The following WWOX variants were observed in gnomAD, a reference collection of about 807,000 sequenced individuals.
WWOX encodes WW domain-containing oxidoreductase.
WWOX carries 69 observed loss-of-function variants against 46.2 expected under a neutral mutation model. The observed-to-expected ratio is 1.49, with a 90% CI of 1.23 to 1.82. WWOX has a LOEUF of 1.82. WWOX is among the 40% of genes most tolerant of loss of function. WWOX has a pLI of 0.00. For synonymous variants in WWOX, 359 were observed against 202.6 expected (o/e 1.77, Z -6.56); for missense variants, 919 against 542.6 (o/e 1.69, Z -6.89).
intron 8 of WWOX, among the ~76,000 whole-genome samples, chr16:79,124,337 C>T (rs1043464415): frequency 5.2e-5 from 7 of 135,064 alleles, no homozygotes; most frequent in African/African-American, 1.7e-4. Flanking sequence ...TTGTTTTATT[C>T]ATGGACTTTT....
At chr16:78,899,233 T>G (rs774681152) in intron 8 of WWOX, 7 of 152,184 alleles carry the variant, frequency 4.6e-5, no homozygotes, top group Non-Finnish European at 7.4e-5. Context: ...ATTAAGGAGT[T>G]TGAATTTATT....
chr16:78,875,054 G>T (rs935800301), intron 8 of WWOX, among the ~76,000 whole-genome samples: 27 of 152,108 alleles, frequency 1.8e-4, no homozygotes, highest in African/African-American at 6.5e-4. Context: ...TATTTCATTT[G>T]CAGCAGGACA....
intron 8 of WWOX, among the ~76,000 whole-genome samples, chr16:78,602,105 T>C (rs2045635797): frequency 6.6e-6 from 1 of 152,234 alleles, no homozygotes; most frequent in Non-Finnish European, 1.5e-5. Flanking sequence ...GTTGGGCTTA[T>C]TACACGCTTT....
intron 8 of WWOX, among the ~76,000 whole-genome samples, chr16:78,916,511 C>G (rs2045255339): frequency 6.6e-6 from 1 of 152,096 alleles, no homozygotes; most frequent in Non-Finnish European, 1.5e-5. Context: ...AGGAGAATTA[C>G]CAGTAGAGTG....
At chr16:78,385,823 G>T (rs142695846) in intron 5 of WWOX, among the ~76,000 whole-genome samples, 1,551 of 152,294 alleles carry the variant, frequency 0.01, 34 homozygotes, top group Non-Finnish European at 9.6e-3. Flanking sequence ...GAATAGGCAG[G>T]TGGCCCTGTG....
At chr16:78,762,146 T>G (rs765126057) in intron 8 of WWOX, among the ~76,000 whole-genome samples, 2 of 152,164 alleles carry the variant, frequency 1.3e-5, no homozygotes, top group Non-Finnish European at 2.9e-5. Flanking sequence ...TTTTATAGAT[T>G]AGGAAACCAA....
chr16:78,191,777 G>T (rs191882347), intron 5 of WWOX, among the ~76,000 whole-genome samples: 1 of 152,310 alleles, frequency 6.6e-6, no homozygotes, highest in African/African-American at 2.4e-5. Flanking sequence ...AGGCGCTGCT[G>T]TGTGGAAAAA....
intron 8 of WWOX, among the ~76,000 whole-genome samples, chr16:79,039,508 A>G (rs558055583): frequency 3.9e-5 from 6 of 152,240 alleles, no homozygotes; most frequent in African/African-American, 1.4e-4. Context: ...CTGATTAGAA[A>G]CAGTTGGGTC....
chr16:79,054,090 A>G (rs373408538), intron 8 of WWOX, among the ~76,000 whole-genome samples: 1 of 152,146 alleles, frequency 6.6e-6, no homozygotes, highest in East Asian at 1.9e-4. Context: ...AAGAAGCTAT[A>G]TTCAGCACTG....
Position 78,841,983 on chromosome 16 carries a change from G to T in WWOX, c.1057-369625G>T, listed in dbSNP as rs192452085. ...GTGTGGGACACCCAGCTATTCTCTG[G>T]AAGGGAAGGGGGATATAAGAGACAC... On this transcript the variant is annotated intron_variant, in intron 8 of 8. Transcript: ENST00000566780. 1.1e-4 allele frequency among the ~76,000 whole-genome samples: 17 copies of T among 152,280 alleles called. No homozygotes were observed. The East Asian group carries it at 3.3e-3, about 29-fold the overall frequency.
intron 8 of WWOX, among the ~76,000 whole-genome samples, chr16:78,991,909 C>A (rs1477122564): frequency 1.3e-5 from 2 of 152,122 alleles, no homozygotes; most frequent in African/African-American, 4.8e-5. Flanking sequence ...TCCTTTGTTC[C>A]CGCCTAACAC....
rs948925715 is a variant in WWOX, at chr16:79,212,149, A to C, written c.*353A>C. 58 of 1,511,658 alleles carry C rather than the reference A, an allele frequency of 3.8e-5. No individual in the cohort carries two copies. Among genetic ancestry groups the C allele is most frequent in the Non-Finnish European group, 5.0e-5 (57 of 1,134,726 alleles). 93.6% of individuals were successfully genotyped at this position (1,511,658 alleles called of 1,614,324 possible). A position where few individuals can be genotyped will look rare whatever the true frequency, so the allele number is the denominator to read the frequency against. The stretch of plus-strand genomic sequence containing the variant: ...GAATAGCCTGAGGTCCCCTCGTCCC[A>C]TCCAGCTACCACCACGGCCACCACT... On this transcript the variant is annotated 3_prime_UTR_variant, in exon 9 of 9. Coordinates refer to ENST00000566780, the MANE Select transcript of WWOX (RefSeq NM_016373.4).
rs146677123 is a variant in WWOX at position 78,530,040 on chromosome 16, C to G, written c.1056+97288C>G. ...TTGGTGCCAGTAGAGGTGAACTGCACTCACTTGAACCCCCTGCACTCCACC... is the reference window on the plus strand; with the variant it reads ...TTGGTGCCAGTAGAGGTGAACTGCAGTCACTTGAACCCCCTGCACTCCACC... On this transcript the variant is annotated intron_variant, in intron 8 of 8. Coordinates refer to ENST00000566780, the MANE Select transcript of WWOX (RefSeq NM_016373.4). Among the ~76,000 whole-genome samples, 438 of 152,262 alleles carry G rather than the reference C, an allele frequency of 2.9e-3. 2 individuals are homozygous for G. Among genetic ancestry groups the G allele is most frequent in the African/African-American group, 0.01 (421 of 41,548 alleles).
intron 6 of WWOX, among the ~76,000 whole-genome samples, chr16:78,387,727 C>T (rs1444127029): frequency 6.6e-6 from 1 of 152,080 alleles, no homozygotes; most frequent in East Asian, 1.9e-4. Context: ...GGCAGGCAAT[C>T]CTGGTTTCTC....
chr16:78,692,356 C>T (rs563241282), intron 8 of WWOX, among the ~76,000 whole-genome samples: 1 of 152,314 alleles, frequency 6.6e-6, no homozygotes, highest in East Asian at 1.9e-4. Context: ...AGCTTCCTTA[C>T]CAGTTCCCAA....
chr16:78,439,719 G>T (rs8052755), intron 8 of WWOX, among the ~76,000 whole-genome samples: 7,526 of 152,232 alleles, frequency 0.049, 595 homozygotes, highest in African/African-American at 0.17. Context: ...CTTAAAGGTG[G>T]CTGAAATAAT....
At chr16:78,461,907 G>C (rs1455464157) in intron 8 of WWOX, among the ~76,000 whole-genome samples, 1 of 152,188 alleles carries the variant, frequency 6.6e-6, no homozygotes, top group African/African-American at 2.4e-5. Context: ...AAATATTGTT[G>C]TAAGACTTTT....
intron 8 of WWOX, among the ~76,000 whole-genome samples, chr16:78,720,258 G>A (rs919031193): frequency 1.3e-5 from 2 of 150,612 alleles, no homozygotes; most frequent in African/African-American, 5.0e-5. Flanking sequence ...TTATGTGCGC[G>A]TGTGTGAAAC....
chr16:78,728,935 G>C (rs913635372), intron 8 of WWOX, among the ~76,000 whole-genome samples: 27 of 152,198 alleles, frequency 1.8e-4, no homozygotes, highest in Non-Finnish European at 3.2e-4. Flanking sequence ...GGTGTGGAGA[G>C]ATAGAGGATT....
Sources: allele counts gnomAD v4.1 joint callset (sites outside exome capture counted in the v4.1 genomes callset), GRCh38; gene constraint gnomAD v4.1.1; transcripts MANE v1.5; gene names NCBI Gene and HGNC (gene_info 2026-07-23, HGNC 2026-07-21).